Variants in PIK3R5 observed in about 807,000 individuals in gnomAD.
PIK3R5 encodes the protein phosphoinositide-3-kinase regulatory subunit 5.
In PIK3R5, 32 loss-of-function variants were observed where a neutral mutation model predicts 94.9. The observed-to-expected ratio is 0.34, with a 90% CI of 0.25 to 0.45. PIK3R5 has a LOEUF of 0.45. Ranked by LOEUF, PIK3R5 falls within the 20% of genes least tolerant of loss-of-function variation. PIK3R5 has a pLI of 1.00. For missense variants in PIK3R5, 853 were observed against 1,144.6 expected, an observed-to-expected ratio of 0.75 and a Z score of 3.68; for synonymous variants, 443 against 479.4, an observed-to-expected ratio of 0.92 and a Z score of 0.99.
rs890944418 is a variant in PIK3R5 at position 8,896,918 on chromosome 17, A to G, written c.413-3263T>C. 1.3e-5 allele frequency among the ~76,000 whole-genome samples: 2 copies of G among 152,166 alleles called. No homozygotes were observed. The highest frequency in any genetic ancestry group is 2.9e-5 in the Non-Finnish European group (2 of 68,024). On this transcript the variant is annotated intron_variant, in intron 5 of 18. Transcript: ENST00000447110. This position sits in a 1 kb window ranked among gnomAD's most constrained non-coding sequence, Gnocchi z 4.0. ...GGCCCCAACGGCATTGCAATCTCCA[A>G]ATGAGACTAGATCAGGTTTGGTTCT...
chr17:8,899,306 T>C (rs1016662328), intron 5 of PIK3R5, among the ~76,000 whole-genome samples: 1 of 152,212 alleles, frequency 6.6e-6, no homozygotes, highest in Non-Finnish European at 1.5e-5. Flanking sequence ...GTTTCATTCA[T>C]TTCCATGGCA....
chr17:8,903,471 T>C (rs2090334110), intron 5 of PIK3R5, among the ~76,000 whole-genome samples: 1 of 150,202 alleles, frequency 6.7e-6, no homozygotes, highest in Non-Finnish European at 1.5e-5. Context: ...TTTTATTTTC[T>C]TTATATATAA....
In PIK3R5 at chr17:8,905,703, G is replaced by A. The variant is rs1453070231; in HGVS notation, c.239C>T (p.Pro80Leu). Residue 80 changes from proline to leucine, a missense_variant, in exon 4 of 19, where the codon CCG becomes CTG. Physicochemically the swap from Pro to Leu is moderately conservative, Grantham distance 98. Around this residue, in one of 6 missense-constraint regions of PIK3R5, gnomAD observed 108 missense variants for 170.1 expected, o/e 0.63. Coordinates refer to ENST00000447110, the MANE Select transcript of PIK3R5 (RefSeq NM_001142633.3). ...QEKGTYDLLT[P>L]LALLFYSTVL... The stretch of plus-strand genomic sequence containing the variant: ...AGTGGAATAGAAGAGCAGGGCCAGC[G>A]GGGTGAGCAGGTCGTAGGTGCCCTT... The A allele has an allele frequency of 6.2e-7, 1 of 1,606,898 alleles. No individual in the cohort carries two copies. Among genetic ancestry groups the A allele is most frequent in the Non-Finnish European group, 8.5e-7 (1 of 1,176,886 alleles).
chr17:8,914,943 A>G (rs901788931), intron 1 of PIK3R5, among the ~76,000 whole-genome samples: 3 of 152,242 alleles, frequency 2.0e-5, no homozygotes, highest in Non-Finnish European at 4.4e-5. Flanking sequence ...AAGATGGGAA[A>G]TTGGTGGCAC....
At chr17:8,927,557 C>A (rs555820463) in intron 1 of PIK3R5, among the ~76,000 whole-genome samples, 42 of 152,304 alleles carry the variant, frequency 2.8e-4, no homozygotes, top group African/African-American at 9.9e-4. Flanking sequence ...CAGAGGAAGC[C>A]TAGCAGGGAG....
intron 3 of PIK3R5, among the ~76,000 whole-genome samples, chr17:8,906,840 G>A (rs1366726946): frequency 6.6e-6 from 1 of 152,164 alleles, no homozygotes. Flanking sequence ...AATTTCACCT[G>A]CTATATGGTG....
rs1458529732 is a variant in PIK3R5, at chr17:8,888,474, C to G, written c.1313G>C (p.Arg438Thr). Residue 438 changes from arginine (R) to threonine (T), a missense_variant, in exon 10 of 19, where the codon AGG becomes ACG. Arg to Thr is a moderately conservative substitution (Grantham distance 71, BLOSUM62 -1). Transcript: ENST00000447110. The surrounding 1 kb of genome is among the most constrained non-coding windows in gnomAD (Gnocchi z 7.8). The part of the protein sequence containing the change: ...FKSTSQLVLR[R>T]DSRSLEGSSD... ...GCTGCCCTCCAGGCTCCGAGAGTCC[C>G]TCCGCAGTACCAGCTGGCTGGTGCT... 1 of 1,603,340 alleles carries G rather than the reference C, an allele frequency of 6.2e-7. No individual in the cohort carries two copies. Among genetic ancestry groups the G allele is most frequent in the African/African-American group, 1.3e-5 (1 of 74,948 alleles).
At position 8,890,735 on chromosome 17, in the gene PIK3R5, T is replaced by C. The variant is rs1234828419; in HGVS notation, c.657+3A>G. On this transcript the variant is annotated splice_donor_region_variant and intron_variant, in intron 7 of 18. Transcript: ENST00000447110. The surrounding 1 kb of genome is among the most constrained non-coding windows in gnomAD (Gnocchi z 6.1). ...ACCAGAGCCCCAGGCCCCAGGTACA[T>C]ACCTGTAGCCTGCAGTGCAGGCCCG... 2 of 1,604,730 alleles carry C rather than the reference T, an allele frequency of 1.2e-6. No individual in the cohort carries two copies. Among genetic ancestry groups the C allele is most frequent in the Middle Eastern group, 1.7e-4 (1 of 5,994 alleles).
chr17:8,904,976 A>T lies in PIK3R5; in HGVS notation c.274-61T>A. 2 of 1,541,558 alleles carry T rather than the reference A, an allele frequency of 1.3e-6. No individual in the cohort carries two copies. Among genetic ancestry groups the T allele is most frequent in the Non-Finnish European group, 1.8e-6 (2 of 1,127,870 alleles). The stretch of plus-strand genomic sequence containing the variant: ...GGTGAGAAAAGGCTCAGATAGTCCC[A>T]GACAGCTTCTGCTCCCTTTCTGGAA... On this transcript the variant is annotated intron_variant, in intron 4 of 18. Coordinates refer to ENST00000447110, the MANE Select transcript of PIK3R5 (RefSeq NM_001142633.3). This position sits in a 1 kb window ranked among gnomAD's most constrained non-coding sequence, Gnocchi z 5.1.
intron 1 of PIK3R5, among the ~76,000 whole-genome samples, chr17:8,943,845 A>T (rs2091228508): frequency 6.6e-6 from 1 of 151,926 alleles, no homozygotes; most frequent in African/African-American, 2.4e-5. Context: ...ATTGACAATA[A>T]TTCTGAAACA....
At chr17:8,932,623 A>G (rs897870390) in intron 1 of PIK3R5, among the ~76,000 whole-genome samples, 4 of 152,232 alleles carry the variant, frequency 2.6e-5, no homozygotes, top group African/African-American at 9.6e-5. Context: ...GATGGACTGA[A>G]TAAAAGACTG....
intron 5 of PIK3R5, among the ~76,000 whole-genome samples, chr17:8,902,214 T>TA (rs71361836): frequency 3.5e-4 from 48 of 138,560 alleles, no homozygotes; most frequent in African/African-American, 7.1e-4. Flanking sequence ...CTTAATGGAC[T>TA]AAAAAAAAAA....
In PIK3R5 at chr17:8,905,037, G is replaced by C. The variant is rs560751169; in HGVS notation, c.274-122C>G. The C allele has an allele frequency of 1.1e-5, 12 of 1,083,748 alleles. No homozygotes were observed. The African/African-American group carries it at 1.7e-4, about 15-fold the overall frequency. 67.1% of individuals were successfully genotyped at this position (1,083,748 alleles called of 1,614,324 possible). A position where few individuals can be genotyped will look rare whatever the true frequency, so the allele number is the denominator to read the frequency against. On this transcript the variant is annotated intron_variant, in intron 4 of 18. Coordinates refer to ENST00000447110, the MANE Select transcript of PIK3R5 (RefSeq NM_001142633.3). ...AAGACACACATTTCCTGGCCGCAGCGTGTCCCAGGACAAGGTCAGGTGGAA... is the reference window on the plus strand; with the variant it reads ...AAGACACACATTTCCTGGCCGCAGCCTGTCCCAGGACAAGGTCAGGTGGAA...
At chr17:8,961,373 A>C (rs9303234) in intron 1 of PIK3R5, among the ~76,000 whole-genome samples, 1 of 152,098 alleles carries the variant, frequency 6.6e-6, no homozygotes, top group Non-Finnish European at 1.5e-5. Context: ...GGTTGCTCAC[A>C]CCTGTAATCC....
chr17:8,957,923 G>A (rs756260823), intron 1 of PIK3R5, among the ~76,000 whole-genome samples: 5 of 152,160 alleles, frequency 3.3e-5, no homozygotes, highest in Non-Finnish European at 5.9e-5. Context: ...AGAAGGTAAC[G>A]TGCTTCCAAA....
At chr17:8,957,377 A>T (rs1223444917) in intron 1 of PIK3R5, among the ~76,000 whole-genome samples, 1 of 152,070 alleles carries the variant, frequency 6.6e-6, no homozygotes, top group Admixed American at 6.5e-5. Flanking sequence ...TCCCTTTTCC[A>T]TTCCAGAGAA....
chr17:8,943,281 A>G (rs1270460960), intron 1 of PIK3R5, among the ~76,000 whole-genome samples: 2 of 151,866 alleles, frequency 1.3e-5, no homozygotes, highest in African/African-American at 4.8e-5. Flanking sequence ...GTAGAGATGG[A>G]GTCTCAATAC....
intron 1 of PIK3R5, among the ~76,000 whole-genome samples, chr17:8,933,133 AAT>A (rs1597415819): frequency 6.6e-6 from 1 of 152,352 alleles, no homozygotes; most frequent in East Asian, 1.9e-4. Flanking sequence ...TTCAACCTAA[AAT>A]TCTATATCCA....
rs1158373458 is a variant in PIK3R5 at position 8,884,881 on chromosome 17, C to T, written c.2129-98G>A. The T allele has an allele frequency of 2.1e-6, 2 of 946,078 alleles. No individual in the cohort carries two copies. The highest frequency in any genetic ancestry group is 3.6e-5 in the Admixed American group (2 of 55,546). 58.6% of individuals were successfully genotyped at this position (946,078 alleles called of 1,614,324 possible). On this transcript the variant is annotated intron_variant, in intron 14 of 18. Transcript: ENST00000447110. The surrounding 1 kb of genome is among the most constrained non-coding windows in gnomAD (Gnocchi z 5.8). ...TCCCTGGGCCTTACCTCCCCATCCC[C>T]TACCACATGGACCGTGACTCCCTAG...
Sources: gnomAD v4.1 joint callset for allele counts (sites outside exome capture counted in the v4.1 genomes callset) on GRCh38, gnomAD v4.1.1 for gene constraint, gnomAD v4.1.1 regional missense constraint, Gnocchi (gnomAD v3.1) non-coding constraint, MANE v1.5 for transcripts, NCBI Gene and HGNC (gene_info 2026-07-23, HGNC 2026-07-21) for gene names.